SMC5: variants seen among roughly 807,000 people sequenced by gnomAD.
The protein encoded by SMC5 is structural maintenance of chromosomes 5.
SMC5 carries 88 observed loss-of-function variants against 148.3 expected under a neutral mutation model. The observed-to-expected ratio is 0.59, with a 90% CI of 0.50 to 0.71. The LOEUF is 0.71. Among genes scored for constraint, SMC5 ranks in the 30% least tolerant of loss-of-function variants. The probability of loss-of-function intolerance (pLI) is 0.00; values close to 1 mark genes in which losing one functional copy is unlikely to be tolerated. For synonymous variants in SMC5, 421 were observed against 432.8 expected, an observed-to-expected ratio of 0.97 and a Z score of 0.34; for missense variants, 1,142 against 1,298.9, an observed-to-expected ratio of 0.88 and a Z score of 1.86.
chr9:70,279,171 C>A (rs1361320384), intron 5 of SMC5, among the ~76,000 whole-genome samples: 2 of 152,102 alleles, frequency 1.3e-5, no homozygotes, highest in Non-Finnish European at 2.9e-5. Context: ...TTTAATGGAT[C>A]TTTTTTCTAC....
At chr9:70,336,300 T>A (rs1484274955) in intron 17 of SMC5, among the ~76,000 whole-genome samples, 1 of 151,980 alleles carries the variant, frequency 6.6e-6, no homozygotes. Flanking sequence ...CCCTTTGACT[T>A]AAGAAAAAAA....
intron 7 of SMC5, 120 bp from the exon 8 acceptor site, chr9:70,286,080 G>T: frequency 1.5e-6 from 1 of 680,660 alleles, no homozygotes; most frequent in East Asian, 2.7e-5. Flanking sequence ...GATAATTATG[G>T]ATTTTGCTTG....
chr9:70,285,824 A>G (rs1305039819), intron 7 of SMC5, among the ~76,000 whole-genome samples: 2 of 152,120 alleles, frequency 1.3e-5, no homozygotes, highest in Admixed American at 1.3e-4. Flanking sequence ...TTGAAATCAG[A>G]CCTGATTTTT....
At chr9:70,311,385 C>G (rs775722818) in intron 11 of SMC5, 12 of 152,054 alleles carry the variant, frequency 7.9e-5, no homozygotes, top group Non-Finnish European at 1.3e-4. Flanking sequence ...CGATTAAGTT[C>G]ACTATCTTAC....
At chr9:70,320,429 A>G (rs918648039) in intron 15 of SMC5, among the ~76,000 whole-genome samples, 1 of 152,204 alleles carries the variant, frequency 6.6e-6, no homozygotes, top group Non-Finnish European at 1.5e-5. Flanking sequence ...AAAGAAAAAT[A>G]TTCAGGGGGA....
chr9:70,329,267 G>C (rs1004906703), intron 17 of SMC5, among the ~76,000 whole-genome samples: 1 of 152,178 alleles, frequency 6.6e-6, no homozygotes, highest in Non-Finnish European at 1.5e-5. Flanking sequence ...GCATGGTTGG[G>C]CTGCAAGTTT....
Position 70,286,274 on chromosome 9 carries a change from A to G in SMC5, c.1053+3A>G. ...TTATAGAAAGGAAAGATAAACATGT[A>G]AGGTTTCATACTAAAATTTTTATTA... On this transcript the variant is annotated splice_donor_region_variant and intron_variant, in intron 8 of 24. Transcript: ENST00000361138. The G allele has an allele frequency of 6.4e-7, 1 of 1,567,866 alleles. No individual in the cohort carries two copies. Among genetic ancestry groups the G allele is most frequent in the Non-Finnish European group, 8.7e-7 (1 of 1,146,120 alleles).
chr9:70,341,779 A>G (rs2036530213), intron 17 of SMC5, among the ~76,000 whole-genome samples: 1 of 152,138 alleles, frequency 6.6e-6, no homozygotes, highest in South Asian at 2.1e-4. Flanking sequence ...GAACACTTTT[A>G]CACTGTTGGT....
chr9:70,280,441 A>G (rs371080691), intron 5 of SMC5, among the ~76,000 whole-genome samples: 2 of 152,316 alleles, frequency 1.3e-5, no homozygotes, highest in African/African-American at 2.4e-5. Flanking sequence ...AATTGCTTCT[A>G]CCCTTCAAGT....
chr9:70,264,245 A>G, intron 1 of SMC5, 59 bp from the exon 2 acceptor site: 4 of 1,505,016 alleles, frequency 2.7e-6, no homozygotes, highest in Non-Finnish European at 2.7e-6. Flanking sequence ...TAGATAATGT[A>G]AAGCAAGGAA....
At chr9:70,290,761 G>A (rs1391342811) in intron 8 of SMC5, among the ~76,000 whole-genome samples, 1 of 152,088 alleles carries the variant, frequency 6.6e-6, no homozygotes, top group African/African-American at 2.4e-5. Flanking sequence ...TGTGCTCACT[G>A]CCAGCACTCA....
intron 22 of SMC5, among the ~76,000 whole-genome samples, chr9:70,349,331 T>G (rs572448619): frequency 1.3e-5 from 2 of 152,244 alleles, no homozygotes; most frequent in Admixed American, 1.3e-4. Flanking sequence ...CCTCCCAAAT[T>G]GCTGGGATTA....
chr9:70,285,704 A>G (rs2034879221), intron 7 of SMC5, among the ~76,000 whole-genome samples: 1 of 152,214 alleles, frequency 6.6e-6, no homozygotes, highest in Non-Finnish European at 1.5e-5. Flanking sequence ...ATTACATATT[A>G]TAGGTGTTAA....
In SMC5 at chr9:70,350,362, T is replaced by A. The variant is rs752959888; in HGVS notation, c.3070-14T>A. 1 of 1,610,394 alleles carries A rather than the reference T, an allele frequency of 6.2e-7. No homozygotes were observed. The highest frequency in any genetic ancestry group is 1.1e-5 in the South Asian group (1 of 90,306). On this transcript the variant is annotated splice_polypyrimidine_tract_variant and intron_variant, in intron 23 of 24. Transcript: ENST00000361138. ...ACAGGAATAAATGTAATCATTATTG[T>A]TGCCATTGTTTAGGGAATGGACCCA...
rs901341620 is a variant in SMC5, at chr9:70,305,368, C to G, written c.1578+8C>G. On this transcript the variant is annotated splice_region_variant and intron_variant, in intron 11 of 24. Transcript: ENST00000361138. ...GAGGTTTTCCTCAAAGAGGCAAGTA[C>G]TAACCAACACAACACTTTGATTCAC... 2.1e-6 allele frequency: 3 copies of G among 1,452,048 alleles called. No individual in the cohort carries two copies. Among genetic ancestry groups the G allele is most frequent in the African/African-American group, 2.8e-5 (2 of 71,202 alleles). The allele number at this position is 1,452,048 out of a possible 1,614,324, so 89.9% of individuals were successfully genotyped here.
intron 17 of SMC5, among the ~76,000 whole-genome samples, chr9:70,326,226 A>G (rs944566163): frequency 2.6e-5 from 4 of 152,150 alleles, no homozygotes; most frequent in East Asian, 1.9e-4. Context: ...AAAAGGATGG[A>G]TGGGTGCAAG....
rs117435394 is a variant in SMC5, at chr9:70,328,126, A to G, written c.2397+3983A>G. Among the ~76,000 whole-genome samples, 107 of 152,252 alleles carry G rather than the reference A, an allele frequency of 7.0e-4. No homozygotes were observed. The East Asian group carries it at 0.02, about 28-fold the overall frequency. On this transcript the variant is annotated intron_variant, in intron 17 of 24. Coordinates refer to ENST00000361138, the MANE Select transcript of SMC5 (RefSeq NM_015110.4). The stretch of plus-strand genomic sequence containing the variant: ...CCTCAACATTGGGAATTACAATTCA[A>G]CATTTGATTTGGCCGGGGACACAGA...
chr9:70,269,073 A>T (rs1020493081), intron 3 of SMC5, among the ~76,000 whole-genome samples: 1 of 152,182 alleles, frequency 6.6e-6, no homozygotes, highest in Non-Finnish European at 1.5e-5. Flanking sequence ...TAGCCCTACT[A>T]TTTGATATGA....
chr9:70,283,908 C>T (rs1454992892), intron 7 of SMC5, among the ~76,000 whole-genome samples: 1 of 152,068 alleles, frequency 6.6e-6, no homozygotes, highest in African/African-American at 2.4e-5. Context: ...GCCATTTATA[C>T]AGGTTTGACT....
Sources: gnomAD v4.1 joint callset for allele counts (sites outside exome capture counted in the v4.1 genomes callset) on GRCh38, gnomAD v4.1.1 for gene constraint, MANE v1.5 for transcripts, NCBI Gene and HGNC (gene_info 2026-07-23, HGNC 2026-07-21) for gene names.